Variants in EPHA5 observed in about 807,000 individuals in gnomAD.
EPHA5 encodes ephrin type-A receptor 5.
In EPHA5, 60 loss-of-function variants were observed where a neutral mutation model predicts 105.0. The ratio of observed to expected loss-of-function variants is 0.57; its 90% CI spans 0.46 to 0.71. The LOEUF is 0.71. EPHA5 is among the 30% of genes least tolerant of loss of function. The probability of loss-of-function intolerance (pLI) is 0.00; values close to 1 mark genes in which losing one functional copy is unlikely to be tolerated. For synonymous variants in EPHA5, 513 were observed against 449.1 expected (o/e 1.14, Z -1.80); for missense variants, 1,218 against 1,274.7 (o/e 0.96, Z 0.68).
At chr4:65,642,645 A>C (rs541356362) in intron 2 of EPHA5, among the ~76,000 whole-genome samples, 8 of 152,164 alleles carry the variant, frequency 5.3e-5, no homozygotes, top group Admixed American at 4.6e-4. Context: ...TATTTCCATA[A>C]TAACTTTCTT....
At position 65,332,071 on chromosome 4, in the gene EPHA5, T is replaced by G. The variant is rs767698620; in HGVS notation, c.2847A>C (p.Val949=). The G allele has an allele frequency of 7.6e-5, 123 of 1,611,448 alleles. No homozygotes were observed. The highest frequency in any genetic ancestry group is 1.0e-4 in the Non-Finnish European group (119 of 1,178,390). Reference sequence around the variant, plus strand: ...TCTTGATTGCCTCTAGCCATTCACCTACTGATCTGTAGGCCCCAGATCCTA... The same window carrying G: ...TCTTGATTGCCTCTAGCCATTCACCGACTGATCTGTAGGCCCCAGATCCTA... ...SPLGSGAYRS[V]GEWLEAIKMG... The change falls in exon 16 of 17, where the codon GTA becomes GTC. Residue 949 remains valine (V), a synonymous_variant. Transcript: ENST00000613740.
intron 3 of EPHA5, among the ~76,000 whole-genome samples, chr4:65,592,886 A>T (rs1201525605): frequency 6.6e-6 from 1 of 152,204 alleles, no homozygotes; most frequent in East Asian, 1.9e-4. Context: ...AGCACAGAAG[A>T]ATTAGACAAA....
At chr4:65,419,637 T>A (rs1322232718) in intron 6 of EPHA5, among the ~76,000 whole-genome samples, 1 of 152,180 alleles carries the variant, frequency 6.6e-6, no homozygotes, top group Non-Finnish European at 1.5e-5. Context: ...GCGTATGCCA[T>A]TCAGGTCCAG....
chr4:65,636,802 G>T (rs369621416), intron 2 of EPHA5, among the ~76,000 whole-genome samples: 2 of 151,884 alleles, frequency 1.3e-5, no homozygotes, highest in East Asian at 1.9e-4. Context: ...ATTATCTACC[G>T]CCTTTTTCTC....
chr4:65,515,416 C>T (rs13144117), intron 3 of EPHA5, among the ~76,000 whole-genome samples: 1 of 152,016 alleles, frequency 6.6e-6, no homozygotes, highest in East Asian at 1.9e-4. Context: ...TTGTATTATA[C>T]CCATATATAA....
chr4:65,638,486 C>T (rs1181168396), intron 2 of EPHA5, among the ~76,000 whole-genome samples: 2 of 152,104 alleles, frequency 1.3e-5, no homozygotes, highest in African/African-American at 4.8e-5. Context: ...GCCTGTAATC[C>T]TAGCACTTTG....
intron 8 of EPHA5, among the ~76,000 whole-genome samples, chr4:65,393,374 C>G (rs1181731982): frequency 2.0e-5 from 3 of 152,128 alleles, no homozygotes; most frequent in African/African-American, 7.2e-5. Flanking sequence ...CTGTAACAGC[C>G]TGTGCCATTT....
rs1188303658 is a variant in EPHA5, at chr4:65,468,559, T to A, written c.1402+21818A>T. Among the ~76,000 whole-genome samples, 12 of 57,990 alleles carry A rather than the reference T, an allele frequency of 2.1e-4. No individual in the cohort carries two copies. The South Asian group carries it at 2.3e-3, about 11-fold the overall frequency. 38.0% of individuals were successfully genotyped at this position (57,990 alleles called of 152,430 possible). A position where few individuals can be genotyped will look rare whatever the true frequency, so the allele number is the denominator to read the frequency against. ...TTTATATATATATATAATATATATA[T>A]TATATATTATATATATATATGTAAA... On this transcript the variant is annotated intron_variant, in intron 5 of 16. Coordinates refer to ENST00000613740, the MANE Select transcript of EPHA5 (RefSeq NM_001281766.3).
chr4:65,496,146 A>G (rs186016680), intron 3 of EPHA5, among the ~76,000 whole-genome samples: 366 of 152,286 alleles, frequency 2.4e-3, no homozygotes, highest in African/African-American at 8.4e-3. Context: ...TGAGACACCT[A>G]CTGATTCAAC....
At chr4:65,607,545 A>G (rs1744354745) in intron 2 of EPHA5, among the ~76,000 whole-genome samples, 1 of 152,210 alleles carries the variant, frequency 6.6e-6, no homozygotes, top group African/African-American at 2.4e-5. Flanking sequence ...ACTTCTCAAA[A>G]GAAGACATTT....
At chr4:65,558,565 T>A (rs1578420039) in intron 3 of EPHA5, among the ~76,000 whole-genome samples, 1 of 152,214 alleles carries the variant, frequency 6.6e-6, no homozygotes, top group East Asian at 1.9e-4. Context: ...AATTATACTT[T>A]AAGTTTTAGG....
At chr4:65,653,552 GA>G (rs1748795097) in intron 1 of EPHA5, among the ~76,000 whole-genome samples, 1 of 151,834 alleles carries the variant, frequency 6.6e-6, no homozygotes, top group Non-Finnish European at 1.5e-5. Flanking sequence ...ATGATAGCAG[GA>G]AAATATTTTA....
chr4:65,507,117 A>G (rs62299210), intron 3 of EPHA5, among the ~76,000 whole-genome samples: 32,594 of 152,084 alleles, frequency 0.21, 3,811 homozygotes, highest in Middle Eastern at 0.32. Flanking sequence ...CATTTATTAA[A>G]TAGGGAATCC....
chr4:65,535,574 A>G (rs2149310998), intron 3 of EPHA5, among the ~76,000 whole-genome samples: 1 of 152,132 alleles, frequency 6.6e-6, no homozygotes, highest in East Asian at 1.9e-4. Context: ...GCAATTTATT[A>G]CACTTAGTTA....
intron 3 of EPHA5, among the ~76,000 whole-genome samples, chr4:65,527,634 T>C (rs1176170039): frequency 2.0e-5 from 3 of 152,130 alleles, no homozygotes; most frequent in Admixed American, 6.6e-5. Flanking sequence ...GCATAATAAC[T>C]GCCGGCTACT....
At chr4:65,458,673 G>T (rs1313509241) in intron 5 of EPHA5, among the ~76,000 whole-genome samples, 5 of 152,030 alleles carry the variant, frequency 3.3e-5, no homozygotes, top group Non-Finnish European at 2.9e-5. Flanking sequence ...ATTGAAGACA[G>T]AAATTTTGAT....
intron 3 of EPHA5, among the ~76,000 whole-genome samples, chr4:65,558,380 A>G (rs1432779341): frequency 6.6e-6 from 1 of 152,140 alleles, no homozygotes; most frequent in Non-Finnish European, 1.5e-5. Context: ...TTCAGAAGTA[A>G]TAAAATAGAA....
In EPHA5 at chr4:65,364,669, C is replaced by T. The variant is rs115316027; in HGVS notation, c.2173+348G>A. Among the ~76,000 whole-genome samples the T allele has an allele frequency of 8.3e-3, 1,259 of 151,316 alleles. 16 individuals are homozygous for T. Among genetic ancestry groups the T allele is most frequent in the African/African-American group, 0.029 (1,211 of 41,378 alleles). ...AGTAATCCTATTGAATGTTAAACTT[C>T]AATGCTTCAATCAAAACTTTGAAGT... On this transcript the variant is annotated intron_variant, in intron 11 of 16. Coordinates refer to ENST00000613740, the MANE Select transcript of EPHA5 (RefSeq NM_001281766.3).
At chr4:65,666,572 G>T (rs1749983645) in intron 1 of EPHA5, among the ~76,000 whole-genome samples, 1 of 152,126 alleles carries the variant, frequency 6.6e-6, no homozygotes. Context: ...TGTCCTGCTT[G>T]ATCAGAGACA....
Sources: allele counts gnomAD v4.1 joint callset (sites outside exome capture counted in the v4.1 genomes callset), GRCh38; gene constraint gnomAD v4.1.1; transcripts MANE v1.5; gene names NCBI Gene and HGNC (gene_info 2026-07-23, HGNC 2026-07-21).